The following METTL24 variants were observed in gnomAD, a reference collection of about 807,000 sequenced individuals.
METTL24 encodes probable methyltransferase-like protein 24.
Under a neutral mutation model 32.7 loss-of-function variants are expected in METTL24, and 29 were observed. The ratio of observed to expected loss-of-function variants is 0.89; its 90% CI spans 0.66 to 1.21. METTL24 has a LOEUF of 1.21. Ranked by LOEUF, METTL24 falls within the 50% of genes most tolerant of loss-of-function variation. The pLI, the probability that METTL24 is intolerant of heterozygous loss-of-function variation, is 0.00. For synonymous variants in METTL24, 163 were observed against 179.5 expected (o/e 0.91, Z 0.73); for missense variants, 439 against 468.1 (o/e 0.94, Z 0.57).
chr6:110,291,606 C>T (rs924026384), intron 4 of METTL24, among the ~76,000 whole-genome samples: 1 of 151,980 alleles, frequency 6.6e-6, no homozygotes, highest in Non-Finnish European at 1.5e-5. Flanking sequence ...TAAACCTGTA[C>T]CATGAGGGTT....
chr6:110,335,173 C>T (rs1042323501), intron 1 of METTL24, among the ~76,000 whole-genome samples: 1 of 152,156 alleles, frequency 6.6e-6, no homozygotes, highest in Non-Finnish European at 1.5e-5. Context: ...AGGAAGCAGA[C>T]CTTTTTGGAA....
intron 3 of METTL24, among the ~76,000 whole-genome samples, chr6:110,307,602 A>G (rs1771647863): frequency 6.6e-6 from 1 of 152,210 alleles, no homozygotes; most frequent in South Asian, 2.1e-4. Context: ...CATCACTTCC[A>G]TTCATAGCTC....
At chr6:110,301,484 C>T (rs2058577800) in intron 3 of METTL24, among the ~76,000 whole-genome samples, 1 of 152,294 alleles carries the variant, frequency 6.6e-6, no homozygotes, top group Non-Finnish European at 1.5e-5. Context: ...GATCCTAGGC[C>T]TTCAGTGCTT....
At position 110,244,593 on chromosome 6, in the gene METTL24, G is replaced by A. The variant is rs763656711; in HGVS notation, c.*1353C>T. Among the ~76,000 whole-genome samples the A allele has an allele frequency of 6.6e-5, 10 of 152,074 alleles. No individual in the cohort carries two copies. Among genetic ancestry groups the A allele is most frequent in the Non-Finnish European group, 1.5e-4 (10 of 68,006 alleles). ...GGAAACTTACAGTCGTGGTGGAAGG[G>A]GAAGCAAACACATCCTTCTTCATAT... is the stretch of plus-strand genomic sequence containing the variant. On this transcript the variant is annotated 3_prime_UTR_variant, in exon 5 of 5. Coordinates refer to ENST00000338882, the MANE Select transcript of METTL24 (RefSeq NM_001123364.3).
At chr6:110,305,944 G>C (rs912060824) in intron 3 of METTL24, among the ~76,000 whole-genome samples, 3 of 152,188 alleles carry the variant, frequency 2.0e-5, no homozygotes, top group Non-Finnish European at 4.4e-5. Flanking sequence ...CACAATGTTA[G>C]ACTGGATAAA....
At chr6:110,270,521 T>C (rs1770937174) in intron 4 of METTL24, among the ~76,000 whole-genome samples, 1 of 152,052 alleles carries the variant, frequency 6.6e-6, no homozygotes, top group Non-Finnish European at 1.5e-5. Flanking sequence ...TGCACTACAT[T>C]TTGAGGAGTG....
intron 4 of METTL24, among the ~76,000 whole-genome samples, chr6:110,291,592 T>C (rs1323343672): frequency 1.3e-5 from 2 of 152,204 alleles, no homozygotes; most frequent in African/African-American, 4.8e-5. Context: ...GTTTGTTATA[T>C]AGATAAACCT....
intron 1 of METTL24, among the ~76,000 whole-genome samples, chr6:110,338,314 T>G (rs1463228150): frequency 6.6e-6 from 1 of 152,128 alleles, no homozygotes; most frequent in Non-Finnish European, 1.5e-5. Flanking sequence ...CTGGCCAACA[T>G]GGGCAAAACC....
chr6:110,351,119 C>T (rs1772593311), intron 1 of METTL24, among the ~76,000 whole-genome samples: 1 of 151,860 alleles, frequency 6.6e-6, no homozygotes, highest in Non-Finnish European at 1.5e-5. Context: ...CTTGGGAGGC[C>T]TGAGTTGGGA....
At chr6:110,338,302 AC>A (rs1191906409) in intron 1 of METTL24, among the ~76,000 whole-genome samples, 3 of 152,026 alleles carry the variant, frequency 2.0e-5, no homozygotes, top group Non-Finnish European at 4.4e-5. Flanking sequence ...TTTGAGACCA[AC>A]CTGGCCAACA....
chr6:110,247,681 G>A (rs970768170), intron 4 of METTL24, among the ~76,000 whole-genome samples: 1 of 152,182 alleles, frequency 6.6e-6, no homozygotes, highest in Non-Finnish European at 1.5e-5. Flanking sequence ...AGCCCTTCAG[G>A]AAGCTGCTGA....
intron 3 of METTL24, among the ~76,000 whole-genome samples, chr6:110,310,714 G>A (rs1461191022): frequency 1.3e-5 from 2 of 152,118 alleles, no homozygotes; most frequent in African/African-American, 4.8e-5. Flanking sequence ...ATTAACTGTG[G>A]AATAAAAAGC....
intron 1 of METTL24, 181 bp downstream of exon 1, chr6:110,357,774 A>C (rs1272364003): frequency 1.3e-5 from 3 of 222,692 alleles, no homozygotes; most frequent in Non-Finnish European, 2.6e-5. Context: ...ACTTCAGTCT[A>C]TCTGGGCACT....
intron 1 of METTL24, among the ~76,000 whole-genome samples, chr6:110,340,137 C>T (rs2114770312): frequency 6.6e-6 from 1 of 152,094 alleles, no homozygotes; most frequent in Non-Finnish European, 1.5e-5. Flanking sequence ...GAAAACACAG[C>T]TCTTCTTCAA....
At chr6:110,254,972 A>C (rs572245794) in intron 4 of METTL24, among the ~76,000 whole-genome samples, 1 of 152,324 alleles carries the variant, frequency 6.6e-6, no homozygotes, top group African/African-American at 2.4e-5. Context: ...GAATAGTAAA[A>C]GTCTTTTTGA....
At chr6:110,248,748 C>T (rs1778218703) in intron 4 of METTL24, among the ~76,000 whole-genome samples, 1 of 151,270 alleles carries the variant, frequency 6.6e-6, no homozygotes, top group Non-Finnish European at 1.5e-5. Context: ...AGTGAGACCT[C>T]ATCTCTACAA....
chr6:110,355,728 A>G (rs1772686540), intron 1 of METTL24, among the ~76,000 whole-genome samples: 1 of 152,086 alleles, frequency 6.6e-6, no homozygotes, highest in South Asian at 2.1e-4. Context: ...CTTTCCATCT[A>G]TCCCCCAAAC....
chr6:110,263,193 G>A (rs529564568), intron 4 of METTL24, among the ~76,000 whole-genome samples: 31 of 152,320 alleles, frequency 2.0e-4, no homozygotes, highest in African/African-American at 7.2e-4. Flanking sequence ...CCTGTTTGCA[G>A]ATGACATGAT....
chr6:110,342,282 C>A (rs1233493386), intron 1 of METTL24, among the ~76,000 whole-genome samples: 2 of 152,178 alleles, frequency 1.3e-5, no homozygotes, highest in African/African-American at 4.8e-5. Context: ...GTCTGCCATG[C>A]CTGGGGAGCT....
Sources: allele counts gnomAD v4.1 joint callset (sites outside exome capture counted in the v4.1 genomes callset), GRCh38; gene constraint gnomAD v4.1.1; transcripts MANE v1.5; gene names NCBI Gene and HGNC (gene_info 2026-07-23, HGNC 2026-07-21).